CCR6: variants seen among roughly 807,000 people sequenced by gnomAD.
CCR6 encodes C-C chemokine receptor type 6.
A neutral mutation model predicts 3.0 loss-of-function variants in CCR6; 2 were observed. The observed-to-expected ratio is 0.66, with a 90% confidence interval of 0.27 to 2.07. The LOEUF is 2.07. CCR6 is among the 30% of genes most tolerant of loss of function. CCR6 has a pLI of 0.14. For missense variants in CCR6, 322 were observed against 462.8 expected (o/e 0.70, Z 2.79); for synonymous variants, 193 against 184.3 (o/e 1.05, Z -0.38).
In CCR6 at chr6:167,136,111, C is replaced by A. The variant is rs1166693510; in HGVS notation, c.-24C>A. On this transcript the variant is annotated 5_prime_UTR_variant, in exon 2 of 3. Coordinates refer to ENST00000341935, the MANE Select transcript of CCR6 (RefSeq NM_031409.4). The surrounding 1 kb of genome is among the most constrained non-coding windows in gnomAD (Gnocchi z 4.6). ...AACCATACACTCCTTTTTCTACAAC[C>A]AGCTTGCATTTTTTCTGCCCACAAT... is the stretch of plus-strand genomic sequence containing the variant. 6.2e-7 allele frequency: 1 copy of A among 1,612,470 alleles called. No homozygotes were observed. The highest frequency in any genetic ancestry group is 8.5e-7 in the Non-Finnish European group (1 of 1,179,556).
At chr6:167,133,631 T>C (rs1419435106) in intron 1 of CCR6, among the ~76,000 whole-genome samples, 2 of 150,840 alleles carry the variant, frequency 1.3e-5, no homozygotes, top group Admixed American at 1.3e-4. Flanking sequence ...TGTCAATTTC[T>C]CAAAAAAAAA....
chr6:167,130,089 A>C (rs1409100699), intron 1 of CCR6, among the ~76,000 whole-genome samples: 1 of 151,780 alleles, frequency 6.6e-6, no homozygotes, highest in African/African-American at 2.4e-5. Flanking sequence ...TTTAAGAATC[A>C]GTTGAGCTGA....
chr6:167,124,309 A>AC (rs1239091608), intron 1 of CCR6, among the ~76,000 whole-genome samples: 1 of 150,514 alleles, frequency 6.6e-6, no homozygotes, highest in Non-Finnish European at 1.5e-5. Flanking sequence ...TAAACAAATC[A>AC]CCGGGGGAAA....
At chr6:167,112,279 G>C (rs1163195597) in intron 1 of CCR6, among the ~76,000 whole-genome samples, 1 of 152,196 alleles carries the variant, frequency 6.6e-6, no homozygotes, top group Non-Finnish European at 1.5e-5. Flanking sequence ...AATCCTGGCA[G>C]GTAGGTGTGG....
rs1302581084 is a variant in CCR6, at chr6:167,137,000, T to C, written c.770T>C (p.Ile257Thr). The C allele has an allele frequency of 6.2e-7, 1 of 1,614,242 alleles. No homozygotes were observed. The highest frequency in any genetic ancestry group is 8.5e-7 in the Non-Finnish European group (1 of 1,180,034). The change falls in exon 3 of 3, where the codon ATA becomes ACA. Residue 257 changes from isoleucine (I) to threonine (T), a missense_variant. Coordinates refer to ENST00000341935, the MANE Select transcript of CCR6 (RefSeq NM_031409.4). The surrounding 1 kb of genome is among the most constrained non-coding windows in gnomAD (Gnocchi z 4.6). ...SKRHKAIRVI[I>T]AVVLVFLACQ... Reference sequence around the variant, plus strand: ...AGGCACAAAGCCATCCGTGTAATCATAGCTGTGGTGCTTGTGTTTCTGGCT... The same window carrying C: ...AGGCACAAAGCCATCCGTGTAATCACAGCTGTGGTGCTTGTGTTTCTGGCT...
In CCR6 at chr6:167,136,147, A is replaced by G; in HGVS notation, c.9+4A>G. ...TTTTCTGCCCACAATGAGCGGGGTA[A>G]GATTTTTATTTTTGGCAAGGGGTAT... On this transcript the variant is annotated splice_donor_region_variant and intron_variant, in intron 2 of 2. Coordinates refer to ENST00000341935, the MANE Select transcript of CCR6 (RefSeq NM_031409.4). This position sits in a 1 kb window ranked among gnomAD's most constrained non-coding sequence, Gnocchi z 4.6. 1 of 1,613,814 alleles carries G rather than the reference A, an allele frequency of 6.2e-7. No homozygotes were observed. The highest frequency in any genetic ancestry group is 8.5e-7 in the Non-Finnish European group (1 of 1,179,936).
At chr6:167,132,689 C>T (rs376212944) in intron 1 of CCR6, among the ~76,000 whole-genome samples, 33 of 152,248 alleles carry the variant, frequency 2.2e-4, no homozygotes, top group South Asian at 8.3e-4. Context: ...TACAGGAGCA[C>T]GCCATCACGC....
In CCR6 at chr6:167,136,673, T is replaced by C. The variant is rs1396510780; in HGVS notation, c.443T>C (p.Val148Ala). The C allele has an allele frequency of 6.2e-7, 1 of 1,614,190 alleles. No homozygotes were observed. Among genetic ancestry groups the C allele is most frequent in the Admixed American group, 1.7e-5 (1 of 60,024 alleles). The change falls in exon 3 of 3, where the codon GTA becomes GCA. Residue 148 changes from valine to alanine, a missense_variant. By Grantham distance (64) the Val-to-Ala change is moderately conservative. Coordinates refer to ENST00000341935, the MANE Select transcript of CCR6 (RefSeq NM_031409.4). This position sits in a 1 kb window ranked among gnomAD's most constrained non-coding sequence, Gnocchi z 4.6. ...AGCATGGACCGGTACATCGCCATTGTACAGGCGACTAAGTCATTCCGGCTC... is the reference window on the plus strand; with the variant it reads ...AGCATGGACCGGTACATCGCCATTGCACAGGCGACTAAGTCATTCCGGCTC... ...CISMDRYIAI[V>A]QATKSFRLRS...
chr6:167,127,030 G>A (rs1582997208), intron 1 of CCR6: 1 of 152,154 alleles, frequency 6.6e-6, no homozygotes, highest in East Asian at 1.9e-4. Context: ...TATTAGCAGT[G>A]TGAGAACGGA....
In CCR6 at chr6:167,137,326, AACGACAATGCGTCGTCCTTC is replaced by A; in HGVS notation, c.1099_1118del (p.Asp367TyrfsTer6). 1 of 1,613,554 alleles carries A rather than the reference AACGACAATGCGTCGTCCTTC, an allele frequency of 6.2e-7. No individual in the cohort carries two copies. Among genetic ancestry groups the A allele is most frequent in the African/African-American group, 1.3e-5 (1 of 75,020 alleles). ...TCGGCAGACCAGTGAGACCGCAGAT[AACGACAATGCGTCGTCCTTC>A]ACTATGTGATAGAAAGCTGAGTCTC... On this transcript the variant is annotated frameshift_variant, in exon 3 of 3. Coordinates refer to ENST00000341935, the MANE Select transcript of CCR6 (RefSeq NM_031409.4). LOFTEE classifies it high-confidence loss of function. The surrounding 1 kb of genome is among the most constrained non-coding windows in gnomAD (Gnocchi z 4.6).
At chr6:167,133,964 A>ATATATATATATATATATG (rs1188778668) in intron 1 of CCR6, among the ~76,000 whole-genome samples, 5 of 111,824 alleles carry the variant, frequency 4.5e-5, no homozygotes, top group East Asian at 5.3e-4. Context: ...ATATATATAT[A>ATATATATATATATATATG]TATATAGTTT....
In CCR6 at chr6:167,136,092, A is replaced by G. The variant is rs1781845376; in HGVS notation, c.-43A>G. The G allele has an allele frequency of 1.2e-6, 2 of 1,610,984 alleles. No individual in the cohort carries two copies. The highest frequency in any genetic ancestry group is 1.1e-5 in the South Asian group (1 of 90,302). On this transcript the variant is annotated 5_prime_UTR_variant, in exon 2 of 3. It adds an upstream start codon to the 5' untranslated region. Coordinates refer to ENST00000341935, the MANE Select transcript of CCR6 (RefSeq NM_031409.4). The surrounding 1 kb of genome is among the most constrained non-coding windows in gnomAD (Gnocchi z 4.6). ...CTGTGAGCTGAAGGGGCTGAACCAT[A>G]CACTCCTTTTTCTACAACCAGCTTG...
intron 1 of CCR6, among the ~76,000 whole-genome samples, chr6:167,124,489 C>T (rs1781639040): frequency 6.6e-6 from 1 of 152,102 alleles, no homozygotes; most frequent in Admixed American, 6.5e-5. Context: ...TGAACACCTA[C>T]CATTACAGTA....
At chr6:167,126,974 A>G (rs1781677332) in intron 1 of CCR6, among the ~76,000 whole-genome samples, 1 of 152,206 alleles carries the variant, frequency 6.6e-6, no homozygotes, top group Admixed American at 6.5e-5. Flanking sequence ...AACTGAGTCA[A>G]TTAAACCTCT....
intron 1 of CCR6, chr6:167,116,278 G>C (rs2021999): frequency 0.44 from 66,509 of 152,110 alleles, 15,008 homozygotes; most frequent in Admixed American, 0.52. Context: ...TCTCCTTCCC[G>C]AACTCTCCAG....
intron 1 of CCR6, among the ~76,000 whole-genome samples, chr6:167,117,244 C>T (rs1264191543): frequency 3.3e-5 from 5 of 151,488 alleles, no homozygotes; most frequent in Non-Finnish European, 7.4e-5. Flanking sequence ...CCGCATCCCT[C>T]CCTACCACAG....
intron 1 of CCR6, among the ~76,000 whole-genome samples, chr6:167,128,079 G>A (rs189713637): frequency 2.4e-4 from 36 of 152,236 alleles, no homozygotes; most frequent in Admixed American, 5.9e-4. Context: ...TTCTTCTCCC[G>A]TCTCCAGGGA....
chr6:167,134,499 G>A (rs2114937042), intron 1 of CCR6, among the ~76,000 whole-genome samples: 1 of 152,332 alleles, frequency 6.6e-6, no homozygotes, highest in South Asian at 2.1e-4. Flanking sequence ...GGGAAGGAAT[G>A]GGGTGGAGTA....
At chr6:167,117,466 G>C (rs1318915030) in intron 1 of CCR6, among the ~76,000 whole-genome samples, 6 of 143,654 alleles carry the variant, frequency 4.2e-5, no homozygotes, top group Non-Finnish European at 7.5e-5. Context: ...GCCCAGGCTG[G>C]AGCGCAGTGG....
Sources: allele counts gnomAD v4.1 joint callset (sites outside exome capture counted in the v4.1 genomes callset), GRCh38; gene constraint gnomAD v4.1.1; non-coding constraint Gnocchi (gnomAD v3.1); transcripts MANE v1.5; gene names NCBI Gene and HGNC (gene_info 2026-07-23, HGNC 2026-07-21).